HS2ST1: variants seen among roughly 807,000 people sequenced by gnomAD.
HS2ST1 encodes the protein 2-O-sulfotransferase.
Under a neutral mutation model 42.9 loss-of-function variants are expected in HS2ST1, and 18 were observed. That is an observed-to-expected ratio of 0.42 (90% CI 0.29 to 0.62). The LOEUF is 0.62. Ranked by LOEUF, HS2ST1 falls within the 20% of genes least tolerant of loss-of-function variation. The probability of loss-of-function intolerance (pLI) is 0.21; values close to 1 mark genes in which losing one functional copy is unlikely to be tolerated. For synonymous variants in HS2ST1, 146 were observed against 152.9 expected, an observed-to-expected ratio of 0.95 and a Z score of 0.33; for missense variants, 334 against 433.8, an observed-to-expected ratio of 0.77 and a Z score of 2.04.
intron 5 of HS2ST1, chr1:87,098,369 A>G (rs1652120359): frequency 5.2e-6 from 5 of 968,498 alleles, no homozygotes; most frequent in Non-Finnish European, 6.1e-6. Flanking sequence ...AGCCAAGGTT[A>G]TGGCTGTGGT....
chr1:87,018,394 A>G (rs1485510124), intron 1 of HS2ST1, among the ~76,000 whole-genome samples: 1 of 152,148 alleles, frequency 6.6e-6, no homozygotes, highest in African/African-American at 2.4e-5. Context: ...TCTGCACTCA[A>G]TGGCCTGTAG....
At chr1:87,059,838 G>C (rs1308781698) in intron 1 of HS2ST1, among the ~76,000 whole-genome samples, 2 of 152,082 alleles carry the variant, frequency 1.3e-5, no homozygotes, top group Non-Finnish European at 2.9e-5. Flanking sequence ...AGGCAAATTG[G>C]TGTTTTTCTA....
intron 1 of HS2ST1, among the ~76,000 whole-genome samples, chr1:86,990,843 T>C (rs1318174933): frequency 3.2e-5 from 1 of 31,684 alleles, no homozygotes; most frequent in African/African-American, 7.6e-5. Flanking sequence ...TATATTTTTT[T>C]TTTTTTTTTT....
At chr1:86,995,108 A>T (rs932887040) in intron 1 of HS2ST1, among the ~76,000 whole-genome samples, 8 of 152,064 alleles carry the variant, frequency 5.3e-5, no homozygotes, top group African/African-American at 1.9e-4. Context: ...GCTCTTTGAG[A>T]TGAAAGAGTC....
intron 1 of HS2ST1, among the ~76,000 whole-genome samples, chr1:87,060,377 A>G (rs983155336): frequency 4.6e-5 from 7 of 152,202 alleles, no homozygotes; most frequent in Non-Finnish European, 5.9e-5. Flanking sequence ...GTATTTAACT[A>G]TAAGGCTCTA....
intron 1 of HS2ST1, among the ~76,000 whole-genome samples, chr1:86,943,059 C>G (rs1298004493): frequency 6.6e-6 from 1 of 151,844 alleles, no homozygotes; most frequent in Non-Finnish European, 1.5e-5. Context: ...CCTTTAAGAT[C>G]TAAAATTAAA....
At chr1:86,960,479 T>C (rs1647805639) in intron 1 of HS2ST1, among the ~76,000 whole-genome samples, 1 of 152,240 alleles carries the variant, frequency 6.6e-6, no homozygotes, top group African/African-American at 2.4e-5. Flanking sequence ...TGAAAGTTAC[T>C]GTTTAGGGAC....
At chr1:87,054,684 G>T (rs1382658976) in intron 1 of HS2ST1, among the ~76,000 whole-genome samples, 1 of 152,144 alleles carries the variant, frequency 6.6e-6, no homozygotes, top group Non-Finnish European at 1.5e-5. Context: ...TCTAGGTAGG[G>T]CCATATGACT....
chr1:87,091,534 T>C (rs760021390), intron 3 of HS2ST1, among the ~76,000 whole-genome samples: 3 of 151,858 alleles, frequency 2.0e-5, no homozygotes, highest in Non-Finnish European at 4.4e-5. Flanking sequence ...CCTTTGAGAA[T>C]TGGTATGGAA....
chr1:86,957,836 C>A (rs1024683829), intron 1 of HS2ST1, among the ~76,000 whole-genome samples: 2 of 144,028 alleles, frequency 1.4e-5, no homozygotes, highest in African/African-American at 5.2e-5. Context: ...TTCTAGTCAT[C>A]CAGGCTGGAG....
intron 1 of HS2ST1, among the ~76,000 whole-genome samples, chr1:86,976,722 T>TATATATATATATATATATATA (rs1415785639): frequency 4.6e-5 from 1 of 21,846 alleles, no homozygotes; most frequent in African/African-American, 9.2e-5. Context: ...ATATATATAT[T>TATATATATATATATATATATA]TTAAATGCCC....
intron 1 of HS2ST1, among the ~76,000 whole-genome samples, chr1:87,063,779 C>T (rs766611862): frequency 6.6e-6 from 1 of 152,086 alleles, no homozygotes; most frequent in Non-Finnish European, 1.5e-5. Context: ...TAAATTTTAA[C>T]ATTCCTGTTA....
intron 1 of HS2ST1, among the ~76,000 whole-genome samples, chr1:86,988,075 G>A (rs1283988022): frequency 6.6e-6 from 1 of 152,190 alleles, no homozygotes; most frequent in African/African-American, 2.4e-5. Flanking sequence ...ATGAAGATCT[G>A]TGGGAAAATG....
chr1:87,102,457 C>T lies in HS2ST1; in HGVS notation c.687-975C>T, dbSNP rs974910477. 2.6e-5 allele frequency among the ~76,000 whole-genome samples: 4 copies of T among 152,290 alleles called. No individual in the cohort carries two copies. In the South Asian group the frequency reaches 8.3e-4, roughly 32 times the overall value. On this transcript the variant is annotated intron_variant, in intron 5 of 6. Coordinates refer to ENST00000370550, the MANE Select transcript of HS2ST1 (RefSeq NM_012262.4). ...CTAAACCATTCACAAGGGACCTGCTCCCATGATCCAGTTACCTCCCACCAA... is the reference window on the plus strand; with the variant it reads ...CTAAACCATTCACAAGGGACCTGCTTCCATGATCCAGTTACCTCCCACCAA...
intron 1 of HS2ST1, among the ~76,000 whole-genome samples, chr1:87,016,893 T>C (rs1435924093): frequency 1.3e-5 from 2 of 152,086 alleles, no homozygotes; most frequent in Non-Finnish European, 2.9e-5. Context: ...TCACTTTCTT[T>C]TTGGGGTCAA....
At chr1:87,049,828 A>G (rs1342445212) in intron 1 of HS2ST1, among the ~76,000 whole-genome samples, 1 of 152,090 alleles carries the variant, frequency 6.6e-6, no homozygotes, top group Non-Finnish European at 1.5e-5. Context: ...TCTGTTTACT[A>G]TCAATTGTTG....
At chr1:87,004,374 G>A (rs909080500) in intron 1 of HS2ST1, among the ~76,000 whole-genome samples, 6 of 152,134 alleles carry the variant, frequency 3.9e-5, no homozygotes, top group Non-Finnish European at 8.8e-5. Context: ...CTGGGCGATG[G>A]AGGGAGACTC....
In HS2ST1 at chr1:87,103,202, A is replaced by G. The variant is rs563107314; in HGVS notation, c.687-230A>G. Among the ~76,000 whole-genome samples, 5 of 152,368 alleles carry G rather than the reference A, an allele frequency of 3.3e-5. No homozygotes were observed. In the East Asian group the frequency reaches 7.7e-4, roughly 23 times the overall value. Reference sequence around the variant, plus strand: ...CCCTTAAACTAAATTGCTCATGTTAAGAGTCCTCTGGTAAACTCTGAATTA... The same window carrying G: ...CCCTTAAACTAAATTGCTCATGTTAGGAGTCCTCTGGTAAACTCTGAATTA... On this transcript the variant is annotated intron_variant, in intron 5 of 6. Transcript: ENST00000370550.
At chr1:86,967,301 T>C (rs1232145907) in intron 1 of HS2ST1, among the ~76,000 whole-genome samples, 1 of 152,236 alleles carries the variant, frequency 6.6e-6, no homozygotes, top group Non-Finnish European at 1.5e-5. Flanking sequence ...TTTTTTAATT[T>C]TTAAAAATTT....
Sources: allele counts gnomAD v4.1 joint callset (sites outside exome capture counted in the v4.1 genomes callset), GRCh38; gene constraint gnomAD v4.1.1; transcripts MANE v1.5; gene names NCBI Gene and HGNC (gene_info 2026-07-23, HGNC 2026-07-21).